THUMPD3: variants seen among roughly 807,000 people sequenced by gnomAD.
THUMPD3 encodes the protein tRNA (guanine(6)-N(2))-methyltransferase THUMP3.
A neutral mutation model predicts 54.5 loss-of-function variants in THUMPD3; 44 were observed. The observed-to-expected ratio is 0.81, with a 90% CI of 0.63 to 1.04. THUMPD3 has a LOEUF of 1.04. Among genes scored for constraint, THUMPD3 ranks in the 50% least tolerant of loss-of-function variants. THUMPD3 has a pLI of 0.00. For missense variants in THUMPD3, 604 were observed against 601.3 expected (o/e 1.00, Z -0.05); for synonymous variants, 196 against 201.4 (o/e 0.97, Z 0.23).
intron 3 of THUMPD3, among the ~76,000 whole-genome samples, chr3:9,369,166 CG>C (rs1553588261): frequency 6.6e-6 from 1 of 151,494 alleles, no homozygotes; most frequent in Non-Finnish European, 1.5e-5. Flanking sequence ...AAAAATTAGC[CG>C]GGTGCGGTGG....
At position 9,380,586 on chromosome 3, in the gene THUMPD3, A is replaced by C; in HGVS notation, c.1092A>C (p.Ala364=). ...LAVNRAANNI[A]SLLTKSQIKE... ...TGAATAGAGCAGCAAATAACATTGC[A>C]TCTTTATTGACCAAGAGCCAAATTA... Residue 364 remains alanine, a synonymous_variant, in exon 7 of 10, where the codon GCA becomes GCC. Coordinates refer to ENST00000452837, the MANE Select transcript of THUMPD3 (RefSeq NM_001114092.2). 1 of 1,613,502 alleles carries C rather than the reference A, an allele frequency of 6.2e-7. No individual in the cohort carries two copies. The highest frequency in any genetic ancestry group is 2.2e-5 in the East Asian group (1 of 44,824).
chr3:9,367,534 T>G (rs2031657520), intron 3 of THUMPD3, among the ~76,000 whole-genome samples: 1 of 152,230 alleles, frequency 6.6e-6, no homozygotes, highest in African/African-American at 2.4e-5. Context: ...CAGCAAGGCT[T>G]TAGGTTTTTT....
rs2033294717 is a variant in THUMPD3, at chr3:9,385,863, T to C, written c.*1175T>C. The C allele has an allele frequency of 6.6e-6, 1 of 152,206 alleles. No individual in the cohort carries two copies. The highest frequency in any genetic ancestry group is 1.5e-5 in the Non-Finnish European group (1 of 68,032). 9.4% of individuals were successfully genotyped at this position (152,206 alleles called of 1,614,324 possible). A position where few individuals can be genotyped will look rare whatever the true frequency, so the allele number is the denominator to read the frequency against. On this transcript the variant is annotated 3_prime_UTR_variant, in exon 10 of 10. Transcript: ENST00000452837. The stretch of plus-strand genomic sequence containing the variant: ...CTTTCTCCTGGATCACGATTCACAT[T>C]TAATTGCTTTTCCAGTTGCAACAAG...
chr3:9,363,573 ATCT>A, intron 1 of THUMPD3: 1 of 152,030 alleles, frequency 6.6e-6, no homozygotes, highest in South Asian at 2.1e-4. Flanking sequence ...CCTTTTGAAA[ATCT>A]CGTGTAAGCT....
intron 8 of THUMPD3, 55 bp from the exon 9 acceptor site, chr3:9,384,157 T>G (rs971719348): frequency 1.3e-4 from 207 of 1,588,442 alleles, no homozygotes; most frequent in Non-Finnish European, 3.4e-5. Context: ...TTTCATATAG[T>G]CCTTCTATTT....
intron 6 of THUMPD3, among the ~76,000 whole-genome samples, chr3:9,379,768 C>G (rs1324410051): frequency 1.3e-5 from 2 of 152,164 alleles, no homozygotes; most frequent in Admixed American, 1.3e-4. Flanking sequence ...TCTCAGCTCC[C>G]TGCAACCTCT....
At chr3:9,372,213 A>G (rs1356134699) in intron 4 of THUMPD3, among the ~76,000 whole-genome samples, 2 of 152,244 alleles carry the variant, frequency 1.3e-5, no homozygotes, top group African/African-American at 4.8e-5. Context: ...TTCATATTAT[A>G]AAATTCAACC....
rs2033353563 is a variant in THUMPD3 at position 9,386,728 on chromosome 3, T to A, written c.*2040T>A. 6.6e-6 allele frequency: 1 copy of A among 152,112 alleles called. No homozygotes were observed. The highest frequency in any genetic ancestry group is 2.1e-4 in the South Asian group (1 of 4,836). 9.4% of individuals were successfully genotyped at this position (152,112 alleles called of 1,614,324 possible). On this transcript the variant is annotated 3_prime_UTR_variant, in exon 10 of 10. Transcript: ENST00000452837. The stretch of plus-strand genomic sequence containing the variant: ...GTGACCTTGGTTTTAACCTTCAAAG[T>A]GGGTCTCCTGGACTAAAAGAATGTG...
At position 9,371,412 on chromosome 3, in the gene THUMPD3, G is replaced by C. The variant is rs779935999; in HGVS notation, c.683G>C (p.Arg228Thr). The C allele has an allele frequency of 1.9e-6, 3 of 1,614,184 alleles. No homozygotes were observed. In the South Asian group the frequency reaches 3.3e-5, roughly 18 times the overall value. ...EETEPQVLKF[R>T]VTCNRAGEKH... The stretch of plus-strand genomic sequence containing the variant: ...ACTGAGCCTCAAGTGCTGAAGTTTA[G>C]AGTCACATGCAACAGGGCAGGAGAG... The change falls in exon 4 of 10, where the codon AGA becomes ACA. Residue 228 changes from arginine (R) to threonine (T), a missense_variant. By Grantham distance (71) the Arg-to-Thr change is moderately conservative (BLOSUM62 -1). Transcript: ENST00000452837.
intron 5 of THUMPD3, among the ~76,000 whole-genome samples, chr3:9,375,374 C>T (rs570626022): frequency 6.6e-6 from 1 of 152,306 alleles, no homozygotes; most frequent in South Asian, 2.1e-4. Context: ...ATACTCACAG[C>T]AACTCAGGAA....
At chr3:9,372,105 G>A (rs1398990595) in intron 4 of THUMPD3, among the ~76,000 whole-genome samples, 2 of 152,192 alleles carry the variant, frequency 1.3e-5, no homozygotes, top group African/African-American at 4.8e-5. Flanking sequence ...TCAAACTCCT[G>A]TAGTGATCTG....
chr3:9,376,106 G>C (rs1459039074), intron 5 of THUMPD3, among the ~76,000 whole-genome samples: 2 of 152,172 alleles, frequency 1.3e-5, no homozygotes, highest in Non-Finnish European at 1.5e-5. Context: ...GTAGAAACCA[G>C]GGATACAGAG....
In THUMPD3 at chr3:9,381,841, T is replaced by A. The variant is rs1397953353; in HGVS notation, c.1124+1223T>A. On this transcript the variant is annotated intron_variant, in intron 7 of 9. Transcript: ENST00000452837. ...GTCGCCCAGGCTGGAGTGCAGTGGC[T>A]TGATCTCGGCTCACTGCAAGCTCCG... Among the ~76,000 whole-genome samples, 5 of 129,256 alleles carry A rather than the reference T, an allele frequency of 3.9e-5. 1 individual carries two copies. Among genetic ancestry groups the A allele is most frequent in the African/African-American group, 1.4e-4 (5 of 34,982 alleles). 84.8% of individuals were successfully genotyped at this position (129,256 alleles called of 152,430 possible). A position where few individuals can be genotyped will look rare whatever the true frequency, so the allele number is the denominator to read the frequency against.
At chr3:9,366,241 A>G (rs1455890762) in intron 2 of THUMPD3, among the ~76,000 whole-genome samples, 1 of 152,244 alleles carries the variant, frequency 6.6e-6, no homozygotes, top group Non-Finnish European at 1.5e-5. Context: ...AGTGAAGGTC[A>G]GAAAACTGCA....
At chr3:9,376,153 G>A (rs1256509070) in intron 5 of THUMPD3, among the ~76,000 whole-genome samples, 4 of 152,144 alleles carry the variant, frequency 2.6e-5, no homozygotes, top group African/African-American at 7.2e-5. Flanking sequence ...TAAAACCTAA[G>A]TAATCAAGTT....
At chr3:9,374,712 C>T (rs764415851) in intron 5 of THUMPD3, 66 bp downstream of exon 5, 2 of 1,570,336 alleles carry the variant, frequency 1.3e-6, no homozygotes, top group South Asian at 1.1e-5. Flanking sequence ...CTTCAAAATA[C>T]TGATTTGTGT....
At position 9,366,954 on chromosome 3, in the gene THUMPD3, A is replaced by T; in HGVS notation, c.299A>T (p.Glu100Val). Reference protein sequence around the residue: ...SVDNLFVVVQEFQDYQFKQTK... With the variant: ...SVDNLFVVVQVFQDYQFKQTK... ...GATAACTTATTTGTGGTGGTTCAGG[A>T]GTTTCAAGATTACCAGTTCAAACAA... The change falls in exon 3 of 10, where the codon GAG becomes GTG. Residue 100 changes from glutamate to valine, a missense_variant. Glu to Val is a moderately radical substitution (Grantham distance 121). Coordinates refer to ENST00000452837, the MANE Select transcript of THUMPD3 (RefSeq NM_001114092.2). The T allele has an allele frequency of 6.2e-7, 1 of 1,613,504 alleles. No homozygotes were observed. Among genetic ancestry groups the T allele is most frequent in the Non-Finnish European group, 8.5e-7 (1 of 1,179,834 alleles).
At chr3:9,368,028 G>A (rs1420485350) in intron 3 of THUMPD3, among the ~76,000 whole-genome samples, 2 of 151,940 alleles carry the variant, frequency 1.3e-5, no homozygotes, top group Non-Finnish European at 2.9e-5. Flanking sequence ...TCACACCACT[G>A]CACTCCAGCC....
At chr3:9,370,236 A>T (rs903160371) in intron 3 of THUMPD3, among the ~76,000 whole-genome samples, 2 of 152,000 alleles carry the variant, frequency 1.3e-5, no homozygotes, top group African/African-American at 4.8e-5. Context: ...TTATAATCAC[A>T]ATCCCTACAC....
Sources: allele counts gnomAD v4.1 joint callset (sites outside exome capture counted in the v4.1 genomes callset), GRCh38; gene constraint gnomAD v4.1.1; transcripts MANE v1.5; gene names NCBI Gene and HGNC (gene_info 2026-07-23, HGNC 2026-07-21).